Variants in DCC observed in about 807,000 individuals in gnomAD.
DCC encodes netrin receptor DCC.
A neutral mutation model predicts 172.5 loss-of-function variants in DCC; 58 were observed. That is an observed-to-expected ratio of 0.34 (90% CI 0.27 to 0.42). DCC has a LOEUF of 0.42. DCC is among the 10% of genes least tolerant of loss of function. The probability of loss-of-function intolerance (pLI) is 1.00; values close to 1 mark genes in which losing one functional copy is unlikely to be tolerated. For missense variants in DCC, 1,740 were observed against 1,791.0 expected, an observed-to-expected ratio of 0.97 and a Z score of 0.51; for synonymous variants, 709 against 644.5, an observed-to-expected ratio of 1.10 and a Z score of -1.52.
intron 12 of DCC, among the ~76,000 whole-genome samples, chr18:53,275,384 G>A (rs2056793308): frequency 6.6e-6 from 1 of 151,834 alleles, no homozygotes; most frequent in African/African-American, 2.4e-5. Context: ...ACTGACCTTT[G>A]GAAAACTCAG....
chr18:53,019,649 A>T (rs1206306948), intron 5 of DCC, among the ~76,000 whole-genome samples: 1 of 152,156 alleles, frequency 6.6e-6, no homozygotes, highest in Non-Finnish European at 1.5e-5. Flanking sequence ...TTTTGCTGTG[A>T]TATATTCCAG....
intron 5 of DCC, among the ~76,000 whole-genome samples, chr18:52,955,227 T>A (rs1366979249): frequency 6.6e-6 from 1 of 152,154 alleles, no homozygotes; most frequent in Non-Finnish European, 1.5e-5. Flanking sequence ...CCTTCCTGCA[T>A]GCTGTGCCCT....
At chr18:53,048,170 A>C (rs2144028268) in intron 5 of DCC, among the ~76,000 whole-genome samples, 1 of 152,012 alleles carries the variant, frequency 6.6e-6, no homozygotes, top group African/African-American at 2.4e-5. Flanking sequence ...TTTGTTATGT[A>C]GGTAAACTGC....
At chr18:52,856,231 A>G (rs2039050447) in intron 2 of DCC, among the ~76,000 whole-genome samples, 1 of 152,180 alleles carries the variant, frequency 6.6e-6, no homozygotes, top group Non-Finnish European at 1.5e-5. Flanking sequence ...GTGTGTATGT[A>G]TATGTGAATA....
chr18:53,275,598 G>A (rs549874402), intron 12 of DCC, among the ~76,000 whole-genome samples: 13 of 152,070 alleles, frequency 8.5e-5, no homozygotes, highest in South Asian at 4.1e-4. Flanking sequence ...CTATGCATTC[G>A]TAGTCAAGTA....
At chr18:53,100,123 T>G (rs957087556) in intron 7 of DCC, among the ~76,000 whole-genome samples, 1 of 151,704 alleles carries the variant, frequency 6.6e-6, no homozygotes, top group Admixed American at 6.6e-5. Context: ...ATTTTTGTAT[T>G]ATTAGTAGAG....
intron 13 of DCC, among the ~76,000 whole-genome samples, chr18:53,307,119 G>A (rs2057209790): frequency 6.6e-6 from 1 of 152,024 alleles, no homozygotes; most frequent in South Asian, 2.1e-4. Context: ...TTTTCTCTCA[G>A]GTTGTCTTTT....
chr18:53,334,127 A>C (rs1266429349), intron 14 of DCC, among the ~76,000 whole-genome samples: 1 of 152,184 alleles, frequency 6.6e-6, no homozygotes, highest in Non-Finnish European at 1.5e-5. Context: ...TCATCTTCAC[A>C]ACAGCCATCT....
At chr18:52,555,031 G>T (rs1045871250) in intron 1 of DCC, among the ~76,000 whole-genome samples, 2 of 151,730 alleles carry the variant, frequency 1.3e-5, no homozygotes, top group Admixed American at 6.6e-5. Flanking sequence ...AAGGTGGAAG[G>T]TGGGGGTGAG....
At chr18:52,907,259 C>CATGGATATATACATGATATGTT (rs1401327432) in intron 3 of DCC, among the ~76,000 whole-genome samples, 6 of 143,900 alleles carry the variant, frequency 4.2e-5, no homozygotes, top group Non-Finnish European at 5.9e-5. Flanking sequence ...CATGATATGT[C>CATGGATATATACATGATATGTT]ATGGATATAT....
chr18:52,915,042 C>A (rs2040020578), intron 3 of DCC, among the ~76,000 whole-genome samples: 1 of 152,168 alleles, frequency 6.6e-6, no homozygotes, highest in South Asian at 2.1e-4. Flanking sequence ...TTAAAAGCAA[C>A]TACTGGTTAT....
intron 12 of DCC, among the ~76,000 whole-genome samples, chr18:53,232,395 A>T (rs2056136445): frequency 6.6e-6 from 1 of 152,110 alleles, no homozygotes; most frequent in East Asian, 1.9e-4. Flanking sequence ...AATCACATTG[A>T]TGTTGTGGGT....
chr18:53,052,395 C>T (rs1461737453), intron 5 of DCC, among the ~76,000 whole-genome samples: 3 of 151,992 alleles, frequency 2.0e-5, no homozygotes, highest in East Asian at 1.9e-4. Context: ...CCTCCCTCCC[C>T]ATCCCCCCTT....
At chr18:52,883,770 G>A (rs2039529867) in intron 2 of DCC, among the ~76,000 whole-genome samples, 1 of 151,776 alleles carries the variant, frequency 6.6e-6, no homozygotes, top group African/African-American at 2.4e-5. Context: ...AATATCCTGT[G>A]TTTTTCTGTG....
intron 23 of DCC, among the ~76,000 whole-genome samples, chr18:53,451,314 G>T (rs1412839473): frequency 6.6e-6 from 1 of 152,196 alleles, no homozygotes; most frequent in Non-Finnish European, 1.5e-5. Flanking sequence ...ATACATCAAA[G>T]TACAAAGTTT....
chr18:53,509,967 T>C (rs189638740), intron 27 of DCC, among the ~76,000 whole-genome samples: 12 of 152,364 alleles, frequency 7.9e-5, no homozygotes, highest in East Asian at 7.7e-4. Context: ...TTTTTCAACA[T>C]GTGATGAGGG....
chr18:53,244,082 A>T (rs563768721), intron 12 of DCC, among the ~76,000 whole-genome samples: 2 of 152,310 alleles, frequency 1.3e-5, no homozygotes, highest in South Asian at 4.1e-4. Flanking sequence ...ACTGCAGCAG[A>T]TGTAACCAGA....
intron 1 of DCC, among the ~76,000 whole-genome samples, chr18:52,422,899 C>A (rs1987297523): frequency 6.6e-6 from 1 of 152,170 alleles, no homozygotes; most frequent in Non-Finnish European, 1.5e-5. Flanking sequence ...TCCAGTGCTT[C>A]TCTTTGCCAC....
intron 12 of DCC, among the ~76,000 whole-genome samples, chr18:53,243,422 A>G (rs1281435512): frequency 1.3e-5 from 2 of 152,172 alleles, no homozygotes; most frequent in Non-Finnish European, 2.9e-5. Flanking sequence ...CTTGTGCCAG[A>G]CATTGAAAAT....
Sources: gnomAD v4.1 joint callset for allele counts (sites outside exome capture counted in the v4.1 genomes callset) on GRCh38, gnomAD v4.1.1 for gene constraint, MANE v1.5 for transcripts, NCBI Gene and HGNC (gene_info 2026-07-23, HGNC 2026-07-21) for gene names.